Variants in ARHGEF3 observed in about 807,000 individuals in gnomAD.
The protein encoded by ARHGEF3 is 59.8 kDA protein.
In ARHGEF3, 28 loss-of-function variants were observed where a neutral mutation model predicts 63.2. That is an observed-to-expected ratio of 0.44 (90% confidence interval 0.33 to 0.61). The LOEUF is 0.61. Ranked by LOEUF, ARHGEF3 falls within the 20% of genes least tolerant of loss-of-function variation. The pLI is 0.03. For missense variants in ARHGEF3, 533 were observed against 659.3 expected (o/e 0.81, Z 2.10); for synonymous variants, 266 against 254.2 (o/e 1.05, Z -0.44).
chr3:56,989,989 C>T (rs952078230), intron 2 of ARHGEF3, among the ~76,000 whole-genome samples: 6 of 152,174 alleles, frequency 3.9e-5, no homozygotes, highest in Non-Finnish European at 5.9e-5. Flanking sequence ...AGCTGATCTC[C>T]CCGAATCAAG....
chr3:57,039,506 T>TGCTGC (rs1030189799), intron 1 of ARHGEF3, among the ~76,000 whole-genome samples: 11 of 152,204 alleles, frequency 7.2e-5, no homozygotes, highest in African/African-American at 2.7e-4. Context: ...TGTCTTTCAT[T>TGCTGC]GCTGCTGTAA....
At chr3:57,055,405 G>T (rs1579179700) in intron 1 of ARHGEF3, among the ~76,000 whole-genome samples, 1 of 152,242 alleles carries the variant, frequency 6.6e-6, no homozygotes, top group South Asian at 2.1e-4. Flanking sequence ...CAGGTGATCT[G>T]CCCGCCTCGG....
At chr3:57,042,692 A>ATTTT (rs1447905041) in intron 1 of ARHGEF3, among the ~76,000 whole-genome samples, 5 of 23,954 alleles carry the variant, frequency 2.1e-4, no homozygotes, top group Non-Finnish European at 4.0e-4. Context: ...ATATATATAT[A>ATTTT]TATATATATT....
chr3:56,810,388 A>T (rs186441665), intron 4 of ARHGEF3, among the ~76,000 whole-genome samples: 1 of 152,232 alleles, frequency 6.6e-6, no homozygotes, highest in East Asian at 1.9e-4. Context: ...TACAAAAAAT[A>T]GACAAAGTAA....
At chr3:56,919,296 G>A (rs1333806615) in intron 3 of ARHGEF3, among the ~76,000 whole-genome samples, 1 of 152,216 alleles carries the variant, frequency 6.6e-6, no homozygotes, top group African/African-American at 2.4e-5. Context: ...GCTACATTTG[G>A]CCCAGGGGCC....
In ARHGEF3 at chr3:56,988,774, G is replaced by A. The variant is rs149211943; in HGVS notation, c.63-29885C>T. Among the ~76,000 whole-genome samples, 471 of 152,296 alleles carry A rather than the reference G, an allele frequency of 3.1e-3. 3 individuals are homozygous for A. Among genetic ancestry groups the A allele is most frequent in the African/African-American group, 0.011 (459 of 41,562 alleles). On this transcript the variant is annotated intron_variant, in intron 2 of 12. Coordinates refer to the ARHGEF3 transcript ENST00000338458. ...GCAGGCTGGGCTCATCTGGAGCCCA[G>A]TATTAATTAATTGGTGTTTATGCAA...
intron 3 of ARHGEF3, among the ~76,000 whole-genome samples, chr3:56,958,594 A>T (rs2106743454): frequency 6.6e-6 from 1 of 152,258 alleles, no homozygotes; most frequent in Admixed American, 6.5e-5. Context: ...GGCCTCCCAA[A>T]GTGCTGGGAT....
At chr3:56,793,636 T>C (rs1177088259) in intron 1 of ARHGEF3, among the ~76,000 whole-genome samples, 2 of 152,206 alleles carry the variant, frequency 1.3e-5, no homozygotes, top group Non-Finnish European at 2.9e-5. Flanking sequence ...AGTTGCAACA[T>C]CAGTTAGGTA....
chr3:56,769,910 T>C (rs762915126), intron 2 of ARHGEF3, among the ~76,000 whole-genome samples: 1 of 152,200 alleles, frequency 6.6e-6, no homozygotes, highest in African/African-American at 2.4e-5. Flanking sequence ...ATTTTTGGAA[T>C]AGAAAAGGCA....
intron 2 of ARHGEF3, among the ~76,000 whole-genome samples, chr3:56,761,856 C>T (rs2107796397): frequency 6.6e-6 from 1 of 152,212 alleles, no homozygotes; most frequent in East Asian, 1.9e-4. Context: ...CTCCCTGCCC[C>T]AATATTTAAC....
chr3:56,967,803 T>C (rs1239336974), intron 2 of ARHGEF3, among the ~76,000 whole-genome samples: 1 of 68,604 alleles, frequency 1.5e-5, no homozygotes, highest in African/African-American at 5.9e-5. Flanking sequence ...TTACATATTA[T>C]ATAATATATA....
intron 1 of ARHGEF3, among the ~76,000 whole-genome samples, chr3:57,055,532 T>C (rs1293455643): frequency 6.6e-6 from 1 of 152,190 alleles, no homozygotes; most frequent in African/African-American, 2.4e-5. Context: ...TTCTTCTTTA[T>C]TATCTTCTAG....
intron 2 of ARHGEF3, among the ~76,000 whole-genome samples, chr3:56,989,661 A>G (rs1701673080): frequency 6.6e-6 from 1 of 152,006 alleles, no homozygotes; most frequent in African/African-American, 2.4e-5. Flanking sequence ...GGCCTCTAGT[A>G]AGGCTGCTGC....
intron 1 of ARHGEF3, among the ~76,000 whole-genome samples, chr3:57,062,581 T>C (rs905098335): frequency 2.0e-5 from 3 of 152,158 alleles, no homozygotes; most frequent in African/African-American, 7.2e-5. Flanking sequence ...CCAGTAGTAC[T>C]GAACAAAACA....
intron 2 of ARHGEF3, among the ~76,000 whole-genome samples, chr3:57,033,584 G>A (rs1363709367): frequency 6.6e-6 from 1 of 151,788 alleles, no homozygotes; most frequent in Non-Finnish European, 1.5e-5. Flanking sequence ...TTTGTTCTAC[G>A]TATCTAGATA....
intron 2 of ARHGEF3, among the ~76,000 whole-genome samples, chr3:57,001,006 C>G (rs560747422): frequency 7.0e-4 from 107 of 151,966 alleles, no homozygotes; most frequent in Non-Finnish European, 1.3e-3. Context: ...GTGGCACTAT[C>G]ATAAGTCACT....
chr3:56,802,031 C>T (rs763147528), upstream of ARHGEF3: 1,300 of 1,393,900 alleles, frequency 9.3e-4, 2 homozygotes, highest in Non-Finnish European at 1.1e-3. Flanking sequence ...CTCGGCACCG[C>T]CCCACGCTGC....
intron 1 of ARHGEF3, among the ~76,000 whole-genome samples, chr3:57,076,293 C>T (rs1369831983): frequency 6.6e-6 from 1 of 151,878 alleles, no homozygotes; most frequent in African/African-American, 2.4e-5. Flanking sequence ...TGCTTCTTTG[C>T]CTCAGACCCC....
At chr3:56,881,843 A>C (rs79510319) in intron 4 of ARHGEF3, among the ~76,000 whole-genome samples, 2,862 of 152,342 alleles carry the variant, frequency 0.019, 39 homozygotes, top group Non-Finnish European at 0.029. Context: ...TCTTGATTCA[A>C]ACTAAGATCT....
Sources: allele counts gnomAD v4.1 joint callset (sites outside exome capture counted in the v4.1 genomes callset), GRCh38; gene constraint gnomAD v4.1.1; transcripts MANE v1.5; gene names NCBI Gene and HGNC (gene_info 2026-07-23, HGNC 2026-07-21).